Variants in SMARCC2 observed in about 807,000 individuals in gnomAD.
The protein encoded by SMARCC2 is SWI/SNF related BAF chromatin remodeling complex subunit C2.
Under a neutral mutation model 151.3 loss-of-function variants are expected in SMARCC2, and 15 were observed. The observed-to-expected ratio is 0.10, with a 90% CI of 0.07 to 0.15. SMARCC2 has a LOEUF of 0.15. SMARCC2 is among the 10% of genes least tolerant of loss of function. The pLI, the probability that SMARCC2 is intolerant of heterozygous loss-of-function variation, is 1.00. For missense variants in SMARCC2, 1,031 were observed against 1,599.7 expected (o/e 0.64, Z 6.06); for synonymous variants, 590 against 609.5 (o/e 0.97, Z 0.47).
chr12:56,181,543 T>G lies in SMARCC2; in HGVS notation c.895A>C (p.Arg299=). 1 of 1,583,784 alleles carries G rather than the reference T, an allele frequency of 6.3e-7. No homozygotes were observed. The stretch of plus-strand genomic sequence containing the variant: ...GGTGAAGGAGAGGGGGAGCGCTTCC[T>G]CTTCTTATAGTTTCCCCCCTTCTTG... ...RDKKGGNYKK[R]KRSPSPSPTP... is the part of the protein sequence containing the mutation. Residue 299 remains arginine, a synonymous_variant, in exon 10 of 29, where the codon AGG becomes CGG. Transcript: ENST00000550164.
At chr12:56,165,749 G>T in intron 26 of SMARCC2, 50 bp from the exon 27 acceptor site, 1 of 1,563,966 alleles carries the variant, frequency 6.4e-7, no homozygotes, top group South Asian at 1.1e-5. Context: ...AGATCCCAAA[G>T]GCAAATGCCT....
intron 16 of SMARCC2, 193 bp downstream of exon 16, chr12:56,174,458 A>G: frequency 1.8e-6 from 1 of 556,592 alleles, no homozygotes; most frequent in Non-Finnish European, 3.3e-6. Context: ...TTTGTCCTAT[A>G]TTCTACACTT....
At chr12:56,172,237 C>T in intron 20 of SMARCC2, 191 bp downstream of exon 20, 2 of 562,120 alleles carry the variant, frequency 3.6e-6, no homozygotes, top group East Asian at 3.1e-5. Context: ...TGTGCCACCA[C>T]ACCTGGCTAA....
chr12:56,175,282 A>C (rs1389511617), intron 15 of SMARCC2, among the ~76,000 whole-genome samples: 1 of 152,236 alleles, frequency 6.6e-6, no homozygotes, highest in Non-Finnish European at 1.5e-5. Context: ...AAGTGCTGGG[A>C]TTACAGGCAT....
At chr12:56,167,889 A>AAC (rs57344405) in intron 26 of SMARCC2, among the ~76,000 whole-genome samples, 171 bp downstream of exon 26, 3,146 of 132,602 alleles carry the variant, frequency 0.024, 69 homozygotes, top group South Asian at 0.046. Flanking sequence ...CTTTCACTGA[A>AAC]ACACACACAC....
intron 26 of SMARCC2, among the ~76,000 whole-genome samples, chr12:56,167,053 A>G (rs1169921325): frequency 1.5e-5 from 2 of 132,118 alleles, no homozygotes; most frequent in South Asian, 2.4e-4. Context: ...AAAGAGTAAG[A>G]CTCCATCTCA....
chr12:56,173,828 C>T lies in SMARCC2; in HGVS notation c.1518G>A (p.Gln506=). The change falls in exon 17 of 29, where the codon CAG becomes CAA. Residue 506 remains glutamine (Q), a synonymous_variant. Coordinates refer to ENST00000550164, the MANE Select transcript of SMARCC2 (RefSeq NM_001330288.2). ...AIMRVHAFLE[Q]WGLINYQVDA... is the part of the protein sequence containing the mutation. ...CCACCTGGTAGTTAATAAGACCCCA[C>T]TGTTCTAGGAAGGCATGGACCCTGT... 1 of 1,613,906 alleles carries T rather than the reference C, an allele frequency of 6.2e-7. No homozygotes were observed. The highest frequency in any genetic ancestry group is 8.5e-7 in the Non-Finnish European group (1 of 1,179,902).
At chr12:56,186,998 A>G (rs2135759715) in intron 2 of SMARCC2, 189 bp downstream of exon 2, 1 of 529,242 alleles carries the variant, frequency 1.9e-6, no homozygotes, top group African/African-American at 1.9e-5. Context: ...AAATATTACT[A>G]AGACAAAAAG....
At chr12:56,189,315 C>T (rs1877922994) in intron 1 of SMARCC2, 36 bp downstream of exon 1, 2 of 1,359,108 alleles carry the variant, frequency 1.5e-6, no homozygotes, top group Non-Finnish European at 1.0e-6. Context: ...TTTGTCCCGC[C>T]CCCGGTCCCC....
In SMARCC2 at chr12:56,162,844, G is replaced by C. The variant is rs1358090277; in HGVS notation, c.*845C>G. 6.5e-6 allele frequency: 1 copy of C among 154,904 alleles called. No homozygotes were observed. The highest frequency in any genetic ancestry group is 6.3e-5 in the Admixed American group (1 of 15,908). The allele number at this position is 154,904 out of a possible 1,614,324, so 9.6% of individuals were successfully genotyped here. A position where few individuals can be genotyped will look rare whatever the true frequency, so the allele number is the denominator to read the frequency against. On this transcript the variant is annotated 3_prime_UTR_variant, in exon 29 of 29. Transcript: ENST00000550164. ...ACATCCTCTTATAGCTCCCTTCTCT[G>C]TGCCTTCCAGGAGTCCATGGATACA...
chr12:56,178,149 C>A, intron 14 of SMARCC2, 56 bp from the exon 15 acceptor site: 1 of 1,443,476 alleles, frequency 6.9e-7, no homozygotes, highest in Non-Finnish European at 9.6e-7. Flanking sequence ...GGATGGGGGC[C>A]CCAAAGGGAG....
chr12:56,184,425 G>A, intron 5 of SMARCC2, 181 bp from the exon 6 acceptor site: 1 of 583,930 alleles, frequency 1.7e-6, no homozygotes, highest in Non-Finnish European at 3.1e-6. Flanking sequence ...TAATAATGGA[G>A]AAAAGTCAAA....
In SMARCC2 at chr12:56,181,011, G is replaced by A. The variant is rs1286788299; in HGVS notation, c.1047C>T (p.Val349=). 6.2e-7 allele frequency: 1 copy of A among 1,613,944 alleles called. No homozygotes were observed. Residue 349 remains valine (V), a synonymous_variant, in exon 11 of 29, where the codon GTC becomes GTT. Coordinates refer to ENST00000550164, the MANE Select transcript of SMARCC2 (RefSeq NM_001330288.2). Reference sequence around the variant, plus strand: ...GAAGTGTCACCTCTTCTACATTGGGGACTGGTGAGGGCTCGTCCATGTCCT... The same window carrying A: ...GAAGTGTCACCTCTTCTACATTGGGAACTGGTGAGGGCTCGTCCATGTCCT... ...LTKDMDEPSP[V]PNVEEVTLPK...
At chr12:56,168,302 G>T in intron 25 of SMARCC2, 108 bp from the exon 26 acceptor site, 1 of 1,273,778 alleles carries the variant, frequency 7.9e-7, no homozygotes, top group African/African-American at 1.5e-5. Flanking sequence ...ATTTGCTGTG[G>T]TCACAACCCA....
chr12:56,184,884 T>G lies in SMARCC2; in HGVS notation c.452A>C (p.Lys151Thr). 6.2e-7 allele frequency: 1 copy of G among 1,613,276 alleles called. No homozygotes were observed. The highest frequency in any genetic ancestry group is 8.5e-7 in the Non-Finnish European group (1 of 1,179,256). Reference sequence around the variant, plus strand: ...AATGTCCTTTAATTTCCCTAGTAGTTTGGGCTCAATTTCTGGGCACAGAAA... The same window carrying G: ...AATGTCCTTTAATTTCCCTAGTAGTGTGGGCTCAATTTCTGGGCACAGAAA... ...NIFLCPEIEP[K>T]LLGKLKDIIK... Residue 151 changes from lysine to threonine, a missense_variant, in exon 5 of 29, where the codon AAA becomes ACA. Lys to Thr is a moderately conservative substitution (Grantham distance 78). This residue lies in a region of SMARCC2 where 123 missense variants were observed against 190.4 expected (regional missense o/e 0.65). Coordinates refer to ENST00000550164, the MANE Select transcript of SMARCC2 (RefSeq NM_001330288.2).
Position 56,162,393 on chromosome 12 carries a change from AAAAAG to A in SMARCC2, c.*1291_*1295del, listed in dbSNP as rs1592265466. On this transcript the variant is annotated 3_prime_UTR_variant, in exon 29 of 29. Transcript: ENST00000550164. ...AAGCAAATTAATTTATAAAAAAAAA[AAAAAG>A]AAAGAAAGAAAAAAAGAGAAAATTT... 3.9e-5 allele frequency: 25 copies of A among 648,018 alleles called. No individual in the cohort carries two copies. Among genetic ancestry groups the A allele is most frequent in the African/African-American group, 2.8e-4 (15 of 54,186 alleles). 40.1% of individuals were successfully genotyped at this position (648,018 alleles called of 1,614,324 possible).
rs528974357 is a variant in SMARCC2, at chr12:56,172,158, T to C, written c.1927-221A>G. ...GCCTGGAGCTGGTCCTGAAGCTCAC[T>C]GGAGCCTTGACCTCCTAGGCTCAAG... On this transcript the variant is annotated intron_variant, in intron 20 of 28. Coordinates refer to ENST00000550164, the MANE Select transcript of SMARCC2 (RefSeq NM_001330288.2). The C allele has an allele frequency of 5.3e-6, 3 of 564,916 alleles. No individual in the cohort carries two copies. In the East Asian group the frequency reaches 9.2e-5, roughly 17 times the overall value. The allele number at this position is 564,916 out of a possible 1,614,324, so 35.0% of individuals were successfully genotyped here.
At chr12:56,185,909 A>C in intron 3 of SMARCC2, 1 of 516,642 alleles carries the variant, frequency 1.9e-6, no homozygotes, top group East Asian at 3.2e-5. Flanking sequence ...GGACAAAAAA[A>C]GGTTTGAGAT....
intron 17 of SMARCC2, 68 bp downstream of exon 17, chr12:56,173,628 A>T: frequency 7.0e-7 from 1 of 1,434,040 alleles, no homozygotes; most frequent in Non-Finnish European, 9.5e-7. Context: ...CCTAAAAACC[A>T]GAAAAAGAAA....
Sources: allele counts gnomAD v4.1 joint callset (sites outside exome capture counted in the v4.1 genomes callset), GRCh38; gene constraint gnomAD v4.1.1; regional missense constraint gnomAD v4.1.1; transcripts MANE v1.5; gene names NCBI Gene and HGNC (gene_info 2026-07-23, HGNC 2026-07-21).